Variants in CDKN2B-AS1 observed in about 807,000 individuals in gnomAD.
The protein encoded by CDKN2B-AS1 is CDKN2B antisense RNA 1 (non-protein coding).
At chr9:22,030,605 G>A (rs918744395) in intron 1 of CDKN2B-AS1, 6 of 152,220 alleles carry the variant, frequency 3.9e-5, no homozygotes, top group Middle Eastern at 3.4e-3. Context: ...TGGCAGAGTA[G>A]ATTTTACTCA....
At chr9:22,069,700 T>C (rs1199661006) in intron 4 of CDKN2B-AS1, among the ~76,000 whole-genome samples, 1 of 152,178 alleles carries the variant, frequency 6.6e-6, no homozygotes, top group South Asian at 2.1e-4. Context: ...AGCTCTTTCG[T>C]AATATCAATA....
At chr9:22,121,608 G>A (rs899309281) in intron 4 of CDKN2B-AS1, among the ~76,000 whole-genome samples, 1 of 151,836 alleles carries the variant, frequency 6.6e-6, no homozygotes. Flanking sequence ...TTACTTCTAT[G>A]AAATCAACTT....
At chr9:22,120,765 C>G (rs1339815228) in intron 4 of CDKN2B-AS1, 1 of 145,666 alleles carries the variant, frequency 6.9e-6, no homozygotes, top group Admixed American at 7.0e-5. Context: ...ATTATCATCT[C>G]CATCATCATT....
chr9:22,020,493 A>C (rs1262377370), intron 1 of CDKN2B-AS1, among the ~76,000 whole-genome samples: 1 of 152,220 alleles, frequency 6.6e-6, no homozygotes, highest in Non-Finnish European at 1.5e-5. Context: ...CACTCCCACC[A>C]GCAGAGTCTA....
chr9:22,090,961 T>C (rs1239147293), intron 4 of CDKN2B-AS1, among the ~76,000 whole-genome samples: 1 of 152,186 alleles, frequency 6.6e-6, no homozygotes, highest in Admixed American at 6.5e-5. Flanking sequence ...TGGTTTTAGG[T>C]CTAACATTTA....
At chr9:22,037,009 T>G (rs1822715221) in intron 1 of CDKN2B-AS1, among the ~76,000 whole-genome samples, 1 of 152,070 alleles carries the variant, frequency 6.6e-6, no homozygotes, top group Non-Finnish European at 1.5e-5. Flanking sequence ...CCTTCTCCCT[T>G]TACCACCCTC....
chr9:21,994,795 A>C, upstream of CDKN2B-AS1: 1 of 174,198 alleles, frequency 5.7e-6, no homozygotes, highest in Non-Finnish European at 1.2e-5. Context: ...CCCCCTAGCT[A>C]CATCCGTCAC....
chr9:22,083,781 T>A (rs2131332870), intron 4 of CDKN2B-AS1, among the ~76,000 whole-genome samples: 1 of 152,256 alleles, frequency 6.6e-6, no homozygotes, highest in Non-Finnish European at 1.5e-5. Flanking sequence ...CAGTTTTGGA[T>A]GTGTTGAGAT....
intron 1 of CDKN2B-AS1, among the ~76,000 whole-genome samples, chr9:22,022,880 T>C (rs551423072): frequency 6.5e-4 from 99 of 152,338 alleles, no homozygotes; most frequent in South Asian, 1.2e-3. Context: ...TTCCTTCTCT[T>C]ATGAAACTTA....
intron 1 of CDKN2B-AS1, among the ~76,000 whole-genome samples, chr9:22,015,787 C>G (rs1419272345): frequency 1.3e-5 from 2 of 152,220 alleles, no homozygotes; most frequent in African/African-American, 4.8e-5. Context: ...GATTGCCATT[C>G]TAACTGGTGT....
intron 1 of CDKN2B-AS1, among the ~76,000 whole-genome samples, chr9:22,045,094 G>C (rs1230898116): frequency 7.1e-6 from 1 of 140,188 alleles, no homozygotes; most frequent in Admixed American, 7.1e-5. Context: ...TTAATATGTG[G>C]TCTCCCTATG....
chr9:22,006,175 G>T lies in CDKN2B-AS1; in HGVS notation n.29+11014G>T. 1 of 1,610,484 alleles carries T rather than the reference G, an allele frequency of 6.2e-7. No individual in the cohort carries two copies. Reference sequence around the variant, plus strand: ...TGCACCGGTCGGGTGAGAGTGGCAGGGTCTGCGCAGTTGGGCTCCGCGCCG... The same window carrying T: ...TGCACCGGTCGGGTGAGAGTGGCAGTGTCTGCGCAGTTGGGCTCCGCGCCG... On this transcript the variant is annotated intron_variant and non_coding_transcript_variant, in intron 1 of 4. Coordinates refer to ENST00000650946, the Ensembl canonical transcript of CDKN2B-AS1. This position sits in a 1 kb window ranked among gnomAD's most constrained non-coding sequence, Gnocchi z 6.4.
intron 4 of CDKN2B-AS1, among the ~76,000 whole-genome samples, chr9:22,084,450 AAG>A (rs1824800213): frequency 6.6e-6 from 1 of 152,180 alleles, no homozygotes; most frequent in African/African-American, 2.4e-5. Flanking sequence ...TATTTAATAG[AAG>A]AGTTTGTGTA....
chr9:22,009,423 A>C (rs892768652), intron 1 of CDKN2B-AS1: 2 of 295,356 alleles, frequency 6.8e-6, no homozygotes, highest in East Asian at 1.2e-4. Context: ...GCCCGGGCCG[A>C]CGCGTCACGA....
rs2131179802 is a variant in CDKN2B-AS1 at position 22,005,929 on chromosome 9, G to A, written n.29+10768G>A. On this transcript the variant is annotated intron_variant and non_coding_transcript_variant, in intron 1 of 4. Transcript: ENST00000650946. The surrounding 1 kb of genome is among the most constrained non-coding windows in gnomAD (Gnocchi z 4.9). ...GCAGCCTTCATCGAATTAGGTGGGT[G>A]GGGGTGGGAAATTGGGTAAGAAAAT... The A allele has an allele frequency of 6.3e-7, 1 of 1,586,094 alleles. No individual in the cohort carries two copies. The highest frequency in any genetic ancestry group is 2.2e-5 in the East Asian group (1 of 44,544).
At chr9:22,060,016 C>G (rs556927581) in intron 4 of CDKN2B-AS1, among the ~76,000 whole-genome samples, 2 of 152,120 alleles carry the variant, frequency 1.3e-5, no homozygotes, top group Non-Finnish European at 2.9e-5. Context: ...ACTTTTTCCT[C>G]TTGGGCCTCT....
chr9:22,126,453 G>A (rs1818024086), intron 4 of CDKN2B-AS1, among the ~76,000 whole-genome samples: 1 of 152,054 alleles, frequency 6.6e-6, no homozygotes, highest in East Asian at 1.9e-4. Context: ...AAATATACAA[G>A]GGGAAATGCA....
intron 4 of CDKN2B-AS1, among the ~76,000 whole-genome samples, chr9:22,084,245 G>C (rs964631302): frequency 3.3e-5 from 5 of 152,302 alleles, no homozygotes; most frequent in African/African-American, 1.2e-4. Flanking sequence ...TCTAGGCTTA[G>C]AGCTTTAGGG....
At chr9:22,080,171 G>T (rs1226816579) in intron 4 of CDKN2B-AS1, among the ~76,000 whole-genome samples, 3 of 152,330 alleles carry the variant, frequency 2.0e-5, no homozygotes, top group African/African-American at 7.2e-5. Context: ...TGTGCAGTCA[G>T]ATGTAGCCAG....
Sources: gnomAD v4.1 joint callset for allele counts (sites outside exome capture counted in the v4.1 genomes callset) on GRCh38, gnomAD v4.1.1 for gene constraint, Gnocchi (gnomAD v3.1) non-coding constraint, MANE v1.5 for transcripts, NCBI Gene and HGNC (gene_info 2026-07-23, HGNC 2026-07-21) for gene names.